SNUPN: variants seen among roughly 807,000 people sequenced by gnomAD.
SNUPN encodes the protein snurportin 1, also known as snurportin-1.
SNUPN carries 31 observed loss-of-function variants against 39.2 expected under a neutral mutation model. The ratio of observed to expected loss-of-function variants is 0.79; its 90% CI spans 0.59 to 1.07. SNUPN has a LOEUF of 1.07. Ranked by LOEUF, SNUPN falls within the 50% of genes least tolerant of loss-of-function variation. The pLI, the probability that SNUPN is intolerant of heterozygous loss-of-function variation, is 0.00. For synonymous variants in SNUPN, 132 were observed against 159.0 expected (o/e 0.83, Z 1.28); for missense variants, 382 against 434.2 (o/e 0.88, Z 1.07).
chr15:75,603,491 C>T (rs2075306994), intron 7 of SNUPN, among the ~76,000 whole-genome samples: 1 of 150,294 alleles, frequency 6.7e-6, no homozygotes, highest in Non-Finnish European at 1.5e-5. Context: ...GAAACCCCGT[C>T]TCTACTAAAA....
chr15:75,618,082 A>T (rs1189733255), intron 2 of SNUPN, among the ~76,000 whole-genome samples: 1 of 152,140 alleles, frequency 6.6e-6, no homozygotes, highest in Admixed American at 6.6e-5. Context: ...CCTTCCTCAG[A>T]GTTTCCTAAG....
Position 75,617,509 on chromosome 15 carries a change from C to T in SNUPN, c.202G>A (p.Asp68Asn). 6.2e-7 allele frequency: 1 copy of T among 1,613,930 alleles called. No homozygotes were observed. Among genetic ancestry groups the T allele is most frequent in the South Asian group, 1.1e-5 (1 of 91,076 alleles). The change falls in exon 3 of 9, where the codon GAT becomes AAT. Residue 68 changes from aspartate to asparagine, a missense_variant. By Grantham distance (23) the Asp-to-Asn change is conservative. Coordinates refer to ENST00000308588, the MANE Select transcript of SNUPN (RefSeq NM_005701.4). ...YVNHARRLAE[D>N]DWTGMESEEE... ...TCACTCTCCATCCCTGTCCAGTCAT[C>T]TTCAGCCAGTCTTCTGGCATGGTTC... is the stretch of plus-strand genomic sequence containing the variant.
At chr15:75,614,846 G>GT (rs973045952) in intron 3 of SNUPN, among the ~76,000 whole-genome samples, 2 of 152,130 alleles carry the variant, frequency 1.3e-5, no homozygotes, top group African/African-American at 4.8e-5. Flanking sequence ...TCTGGGCTAG[G>GT]TATTTAAGGC....
At chr15:75,610,730 G>A (rs757039843) in intron 3 of SNUPN, among the ~76,000 whole-genome samples, 1 of 152,100 alleles carries the variant, frequency 6.6e-6, no homozygotes, top group Non-Finnish European at 1.5e-5. Flanking sequence ...TTCTCAAACC[G>A]ATGCCCCAAA....
At chr15:75,604,043 G>A (rs535020945) in intron 7 of SNUPN, among the ~76,000 whole-genome samples, 1 of 152,102 alleles carries the variant, frequency 6.6e-6, no homozygotes, top group South Asian at 2.1e-4. Context: ...GTCTTAGAGA[G>A]AGCAGTCTTC....
At chr15:75,604,707 T>C (rs2075317892) in intron 7 of SNUPN, among the ~76,000 whole-genome samples, 1 of 152,230 alleles carries the variant, frequency 6.6e-6, no homozygotes, top group Admixed American at 6.5e-5. Context: ...TTAACTTAAC[T>C]TAGTAATAAA....
intron 2 of SNUPN, among the ~76,000 whole-genome samples, chr15:75,620,082 AT>A (rs1260430030): frequency 6.6e-6 from 1 of 152,126 alleles, no homozygotes; most frequent in Non-Finnish European, 1.5e-5. Flanking sequence ...AACCATACAA[AT>A]GTATTACCTA....
chr15:75,601,570 C>A (rs7170572), intron 7 of SNUPN, among the ~76,000 whole-genome samples: 151,991 of 152,160 alleles, frequency 1, 75,914 homozygotes, highest in Middle Eastern at 1. Flanking sequence ...GCAAGACTCC[C>A]TCTCAAAAAA....
chr15:75,602,911 T>G (rs2075300204), intron 7 of SNUPN, among the ~76,000 whole-genome samples: 2 of 151,830 alleles, frequency 1.3e-5, no homozygotes, highest in African/African-American at 4.8e-5. Context: ...CTGGCTAATT[T>G]TTTTGTTTGT....
In SNUPN at chr15:75,624,758, T is replaced by C. The variant is rs1437358009; in HGVS notation, c.-6+908A>G. 5.5e-6 allele frequency: 7 copies of C among 1,283,696 alleles called. No homozygotes were observed. In the East Asian group the frequency reaches 3.3e-4, roughly 61 times the overall value. 79.5% of individuals were successfully genotyped at this position (1,283,696 alleles called of 1,614,324 possible). A position where few individuals can be genotyped will look rare whatever the true frequency, so the allele number is the denominator to read the frequency against. On this transcript the variant is annotated intron_variant, in intron 1 of 8. Coordinates refer to ENST00000308588, the MANE Select transcript of SNUPN (RefSeq NM_005701.4). ...TTGGCGGGTTCCTGCTGTTTCGTTT[T>C]GTTTTTTCTTTGTTGTTGTTGTTTT...
chr15:75,619,101 T>C (rs916768087), intron 2 of SNUPN, among the ~76,000 whole-genome samples: 3 of 144,660 alleles, frequency 2.1e-5, no homozygotes, highest in East Asian at 4.2e-4. Flanking sequence ...GGAGGGTGAA[T>C]TGGCCAGATC....
intron 1 of SNUPN, chr15:75,624,844 C>G (rs1893178403): frequency 1.8e-6 from 1 of 549,758 alleles, no homozygotes; most frequent in Admixed American, 3.2e-5. Context: ...ATGATCTCGG[C>G]TCACTGCAAC....
intron 3 of SNUPN, among the ~76,000 whole-genome samples, chr15:75,611,281 C>T (rs1326715195): frequency 6.7e-6 from 1 of 148,872 alleles, no homozygotes; most frequent in Non-Finnish European, 1.5e-5. Context: ...GAGATGGAGT[C>T]TCGCTCTGTC....
At position 75,599,408 on chromosome 15, in the gene SNUPN, T is replaced by G. The variant is rs115875611; in HGVS notation, c.760-727A>C. On this transcript the variant is annotated intron_variant, in intron 8 of 8. Transcript: ENST00000308588. Reference sequence around the variant, plus strand: ...GGACTTTCCACCACTTAGGGGTCTGTGTTGTGGTGGATGAGCTCTGTGCAT... The same window carrying G: ...GGACTTTCCACCACTTAGGGGTCTGGGTTGTGGTGGATGAGCTCTGTGCAT... Among the ~76,000 whole-genome samples the G allele has an allele frequency of 5.7e-3, 875 of 152,268 alleles. 7 individuals carry two copies. Among genetic ancestry groups the G allele is most frequent in the African/African-American group, 0.02 (833 of 41,552 alleles).
chr15:75,607,100 T>A (rs947823664), intron 6 of SNUPN, 116 bp downstream of exon 6: 12 of 757,680 alleles, frequency 1.6e-5, no homozygotes, highest in South Asian at 1.6e-4. Flanking sequence ...GTTCTTGATA[T>A]ACCACATCCT....
intron 1 of SNUPN, among the ~76,000 whole-genome samples, chr15:75,622,986 A>G (rs1325178307): frequency 6.6e-6 from 1 of 152,164 alleles, no homozygotes; most frequent in Non-Finnish European, 1.5e-5. Context: ...AAAAGAAAAA[A>G]AAATTGTGGC....
Position 75,602,593 on chromosome 15 carries a change from G to T in SNUPN, c.679-1375C>A, listed in dbSNP as rs1455287735. Among the ~76,000 whole-genome samples, 3 of 151,776 alleles carry T rather than the reference G, an allele frequency of 2.0e-5. No homozygotes were observed. In the South Asian group the frequency reaches 6.2e-4, roughly 32 times the overall value. On this transcript the variant is annotated intron_variant, in intron 7 of 8. Transcript: ENST00000308588. The stretch of plus-strand genomic sequence containing the variant: ...TGAGATTCTGACTGAACTGGTCTGG[G>T]GTGGGATCCAGGTTTTTTGTTGTTT...
At chr15:75,620,790 A>G (rs2141378743) in intron 2 of SNUPN, 104 bp downstream of exon 2, 1 of 994,674 alleles carries the variant, frequency 1.0e-6, no homozygotes, top group Non-Finnish European at 1.5e-6. Flanking sequence ...GCCTACAAAG[A>G]GTCTACTTTG....
intron 3 of SNUPN, among the ~76,000 whole-genome samples, chr15:75,612,037 CTTTTTTTT>C (rs60411925): frequency 1.4e-5 from 2 of 139,634 alleles, no homozygotes; most frequent in African/African-American, 5.3e-5. Flanking sequence ...CCTTTTTTTC[CTTTTTTTT>C]TTTTTGAACT....
Sources: gnomAD v4.1 joint callset for allele counts (sites outside exome capture counted in the v4.1 genomes callset) on GRCh38, gnomAD v4.1.1 for gene constraint, MANE v1.5 for transcripts, NCBI Gene and HGNC (gene_info 2026-07-23, HGNC 2026-07-21) for gene names.